PHF2: variants seen among roughly 807,000 people sequenced by gnomAD.
PHF2 encodes the protein PHD finger protein 2, also known as lysine-specific demethylase PHF2.
In PHF2, 27 loss-of-function variants were observed where a neutral mutation model predicts 120.5. The ratio of observed to expected loss-of-function variants is 0.22; its 90% confidence interval spans 0.17 to 0.31. The LOEUF is 0.31. Ranked by LOEUF, PHF2 falls within the 10% of genes least tolerant of loss-of-function variation. The probability of loss-of-function intolerance (pLI) is 1.00; values close to 1 mark genes in which losing one functional copy is unlikely to be tolerated. For missense variants in PHF2, 1,024 were observed against 1,434.8 expected, an observed-to-expected ratio of 0.71 and a Z score of 4.63; for synonymous variants, 568 against 592.5, an observed-to-expected ratio of 0.96 and a Z score of 0.60.
chr9:93,617,098 G>A (rs551945114), intron 1 of PHF2, among the ~76,000 whole-genome samples: 1 of 152,180 alleles, frequency 6.6e-6, no homozygotes, highest in Non-Finnish European at 1.5e-5. Context: ...TGGTCTGGAG[G>A]GTGGCATGGT....
intron 1 of PHF2, among the ~76,000 whole-genome samples, chr9:93,621,596 C>A (rs1053441325): frequency 6.6e-6 from 1 of 152,228 alleles, no homozygotes; most frequent in African/African-American, 2.4e-5. Context: ...TGGAGCCACA[C>A]AGGTGGGCAC....
intron 4 of PHF2, among the ~76,000 whole-genome samples, chr9:93,648,314 G>C (rs1008552975): frequency 6.6e-6 from 1 of 152,206 alleles, no homozygotes; most frequent in Non-Finnish European, 1.5e-5. Flanking sequence ...AGGCTTGCTT[G>C]ACTTGCCTTC....
chr9:93,675,150 C>T (rs1826885175), intron 19 of PHF2, 128 bp downstream of exon 19: 2 of 723,808 alleles, frequency 2.8e-6, no homozygotes, highest in Non-Finnish European at 4.7e-6. Context: ...GAGGGCTGGG[C>T]AGCCCGTCCC....
At position 93,663,633 on chromosome 9, in the gene PHF2, C is replaced by T. The variant is rs138464551; in HGVS notation, c.1935C>T (p.Leu645=). 1.7e-3 allele frequency: 2,733 copies of T among 1,598,720 alleles called. 3 individuals are homozygous for T. Among genetic ancestry groups the T allele is most frequent in the Non-Finnish European group, 2.1e-3 (2,434 of 1,168,006 alleles). The change falls in exon 14 of 22, where the codon CTC becomes CTT. Residue 645 remains leucine (L), a splice_region_variant and synonymous_variant. Transcript: ENST00000359246. ...TTTCTTTCTCCAACAAGAAACTCCTCGGGTATGTGAGTGCCTGGATGGGAG... is the reference window on the plus strand; with the variant it reads ...TTTCTTTCTCCAACAAGAAACTCCTTGGGTATGTGAGTGCCTGGATGGGAG... The part of the protein sequence containing the change: ...FSFSFSNKKL[L]GSKALRPPTS...
At chr9:93,582,416 C>T (rs894754211) in intron 1 of PHF2, among the ~76,000 whole-genome samples, 2 of 152,208 alleles carry the variant, frequency 1.3e-5, no homozygotes, top group African/African-American at 4.8e-5. Context: ...CAGCTGACTG[C>T]AGCAGCTCCC....
intron 1 of PHF2, among the ~76,000 whole-genome samples, chr9:93,606,743 G>A (rs921262765): frequency 3.3e-5 from 5 of 152,098 alleles, no homozygotes; most frequent in Non-Finnish European, 7.4e-5. Flanking sequence ...TGGATCGTGT[G>A]CTTGGTGTTG....
intron 1 of PHF2, among the ~76,000 whole-genome samples, chr9:93,614,861 T>C (rs1825696188): frequency 3.5e-5 from 3 of 86,470 alleles, no homozygotes; most frequent in Non-Finnish European, 8.7e-5. Flanking sequence ...ATGATGATGG[T>C]GATGATGGTG....
chr9:93,646,243 C>T (rs1457555777), intron 4 of PHF2, among the ~76,000 whole-genome samples: 1 of 152,236 alleles, frequency 6.6e-6, no homozygotes, highest in Non-Finnish European at 1.5e-5. Context: ...CTAGCCAGTG[C>T]CATTGCCATC....
At chr9:93,655,068 G>A (rs187718795) in intron 7 of PHF2, among the ~76,000 whole-genome samples, 45 of 152,338 alleles carry the variant, frequency 3.0e-4, no homozygotes, top group Non-Finnish European at 2.9e-5. Flanking sequence ...ATGAGCCACT[G>A]TGTGCCCCTA....
At chr9:93,646,264 A>AT (rs2117873588) in intron 4 of PHF2, among the ~76,000 whole-genome samples, 1 of 152,236 alleles carries the variant, frequency 6.6e-6, no homozygotes, top group Admixed American at 6.5e-5. Context: ...AGCAGTGCCC[A>AT]TTTCATGTCC....
chr9:93,629,818 T>A (rs1455272594), intron 1 of PHF2, 152 bp from the exon 2 acceptor site: 1 of 725,202 alleles, frequency 1.4e-6, no homozygotes, highest in African/African-American at 1.7e-5. Flanking sequence ...TCCACCCTGC[T>A]TTCCTAGTAG....
chr9:93,675,100 C>A, intron 19 of PHF2, 78 bp downstream of exon 19: 3 of 1,177,672 alleles, frequency 2.5e-6, no homozygotes, highest in Non-Finnish European at 2.5e-6. Context: ...TCCCTCCAGC[C>A]CCTGAGAATG....
chr9:93,668,907 A>G (rs980108175), intron 17 of PHF2, among the ~76,000 whole-genome samples: 11 of 152,162 alleles, frequency 7.2e-5, no homozygotes, highest in South Asian at 2.1e-4. Context: ...TTGATGGTCT[A>G]TTTGCTCTGT....
At chr9:93,655,167 A>G (rs1490986305) in intron 7 of PHF2, among the ~76,000 whole-genome samples, 2 of 152,174 alleles carry the variant, frequency 1.3e-5, no homozygotes, top group Non-Finnish European at 2.9e-5. Flanking sequence ...TAAGTAACAT[A>G]GCTGTAATAC....
At chr9:93,612,845 T>C (rs1408275415) in intron 1 of PHF2, among the ~76,000 whole-genome samples, 1 of 152,252 alleles carries the variant, frequency 6.6e-6, no homozygotes, top group East Asian at 1.9e-4. Context: ...TCTGTGGGGT[T>C]GTGAGAAGGG....
rs55647503 is a variant in PHF2, at chr9:93,627,492, A to ATTTTTTTTTTTTT, written c.99-2474_99-2462dup. ...CAATTCAGACTCCTTTTATTTCAGG[A>ATTTTTTTTTTTTT]TTTTTTTTTTTTTTTTGTCTAATTG... On this transcript the variant is annotated intron_variant, in intron 1 of 21. Coordinates refer to ENST00000359246, the MANE Select transcript of PHF2 (RefSeq NM_005392.4). 4.5e-3 allele frequency among the ~76,000 whole-genome samples: 489 copies of ATTTTTTTTTTTTT among 108,072 alleles called. 42 individuals are homozygous for ATTTTTTTTTTTTT. Among genetic ancestry groups the ATTTTTTTTTTTTT allele is most frequent in the African/African-American group, 0.017 (438 of 26,494 alleles). The allele number at this position is 108,072 out of a possible 152,430, so 70.9% of individuals were successfully genotyped here.
chr9:93,612,196 A>C (rs1260235278), intron 1 of PHF2, among the ~76,000 whole-genome samples: 1 of 152,236 alleles, frequency 6.6e-6, no homozygotes, highest in Non-Finnish European at 1.5e-5. Flanking sequence ...AAGAATGGAC[A>C]CTTAGCTTGG....
chr9:93,648,518 G>A (rs1417966413), intron 4 of PHF2, among the ~76,000 whole-genome samples: 1 of 152,170 alleles, frequency 6.6e-6, no homozygotes, highest in Non-Finnish European at 1.5e-5. Context: ...AAGGGCGACT[G>A]GCAATTCTGT....
At chr9:93,636,383 C>CT in intron 2 of PHF2, 28 bp from the exon 3 acceptor site, 1 of 1,561,050 alleles carries the variant, frequency 6.4e-7, no homozygotes, top group Non-Finnish European at 8.7e-7. Context: ...CGCTGTGTGA[C>CT]CGACCTTGCT....
Sources: allele counts gnomAD v4.1 joint callset (sites outside exome capture counted in the v4.1 genomes callset), GRCh38; gene constraint gnomAD v4.1.1; transcripts MANE v1.5; gene names NCBI Gene and HGNC (gene_info 2026-07-23, HGNC 2026-07-21).